Variants in LDLRAD4 observed in about 807,000 individuals in gnomAD.
LDLRAD4 encodes the protein low-density lipoprotein receptor class A domain-containing protein 4.
In LDLRAD4, 5 loss-of-function variants were observed where a neutral mutation model predicts 17.0. The observed-to-expected ratio is 0.29, with a 90% CI of 0.15 to 0.62. LDLRAD4 has a LOEUF of 0.62. LDLRAD4 is among the 20% of genes least tolerant of loss of function. LDLRAD4 has a pLI of 0.84. For synonymous variants in LDLRAD4, 168 were observed against 171.8 expected (o/e 0.98, Z 0.17); for missense variants, 340 against 424.7 (o/e 0.80, Z 1.75).
intron 3 of LDLRAD4, among the ~76,000 whole-genome samples, chr18:13,464,137 A>G (rs2092538075): frequency 6.6e-6 from 1 of 152,252 alleles, no homozygotes; most frequent in Non-Finnish European, 1.5e-5. Flanking sequence ...CCTTTCAAGT[A>G]CAAATGGAGC....
intron 1 of LDLRAD4, among the ~76,000 whole-genome samples, chr18:13,295,336 G>A (rs1210106810): frequency 6.6e-6 from 1 of 152,164 alleles, no homozygotes; most frequent in Non-Finnish European, 1.5e-5. Context: ...TATGTTGTAG[G>A]GTTTCTTCTG....
At chr18:13,330,603 A>G (rs2081802145) in intron 1 of LDLRAD4, among the ~76,000 whole-genome samples, 1 of 152,210 alleles carries the variant, frequency 6.6e-6, no homozygotes, top group Admixed American at 6.5e-5. Flanking sequence ...GCAAATAGCT[A>G]TCTGTGATAT....
chr18:13,412,962 C>T (rs2088518629), intron 2 of LDLRAD4, among the ~76,000 whole-genome samples: 1 of 152,242 alleles, frequency 6.6e-6, no homozygotes, highest in Non-Finnish European at 1.5e-5. Flanking sequence ...CTGCTTCCTT[C>T]TCCTGGTACG....
chr18:13,621,150 T>C lies in LDLRAD4; in HGVS notation c.215T>C (p.Val72Ala), dbSNP rs2148812774. The change falls in exon 4 of 6, where the codon GTC becomes GCC. Residue 72 changes from valine to alanine, a missense_variant. Coordinates refer to ENST00000359446, the Ensembl canonical transcript of LDLRAD4. The surrounding 1 kb of genome is among the most constrained non-coding windows in gnomAD (Gnocchi z 5.5). Reference sequence around the variant, plus strand: ...GAGTTCGCCCAAATCATCATCATCGTCGTGGTGGTCACGGTGATGGTGGTG... The same window carrying C: ...GAGTTCGCCCAAATCATCATCATCGCCGTGGTGGTCACGGTGATGGTGGTG... 1 of 1,614,174 alleles carries C rather than the reference T, an allele frequency of 6.2e-7. No homozygotes were observed. The highest frequency in any genetic ancestry group is 2.2e-5 in the East Asian group (1 of 44,882).
At position 13,397,185 on chromosome 18, in the gene LDLRAD4, C is replaced by T. The variant is rs559756272; in HGVS notation, c.40+9423C>T. On this transcript the variant is annotated intron_variant, in intron 2 of 5. Transcript: ENST00000359446. ...GAGTCTCTCTCTGTCGCTCTGTCGCCCAGGCTGGAGAGCAGTGGTGAGATC... is the reference window on the plus strand; with the variant it reads ...GAGTCTCTCTCTGTCGCTCTGTCGCTCAGGCTGGAGAGCAGTGGTGAGATC... Among the ~76,000 whole-genome samples, 3 of 152,168 alleles carry T rather than the reference C, an allele frequency of 2.0e-5. No homozygotes were observed. In the South Asian group the frequency reaches 6.2e-4, roughly 32 times the overall value.
Position 13,612,692 on chromosome 18 carries a change from A to G in LDLRAD4, c.182-8425A>G, listed in dbSNP as rs541440918. The stretch of plus-strand genomic sequence containing the variant: ...GCGTCACAGTTGGACTCCCACTTGC[A>G]GAGGACCTGATTATGTCCAGTGACC... On this transcript the variant is annotated intron_variant, in intron 3 of 5. Transcript: ENST00000359446. 5 of 1,613,820 alleles carry G rather than the reference A, an allele frequency of 3.1e-6. No homozygotes were observed. In the African/African-American group the frequency reaches 6.7e-5, roughly 22 times the overall value.
intron 3 of LDLRAD4, among the ~76,000 whole-genome samples, chr18:13,533,074 A>G (rs2094152724): frequency 1.3e-5 from 2 of 152,246 alleles, no homozygotes; most frequent in Non-Finnish European, 2.9e-5. Flanking sequence ...TTCATTAACT[A>G]ATACATCAAA....
chr18:13,406,864 A>C (rs536353548), intron 2 of LDLRAD4, among the ~76,000 whole-genome samples: 25 of 152,192 alleles, frequency 1.6e-4, no homozygotes, highest in Admixed American at 2.6e-4. Flanking sequence ...TGCAACTGTC[A>C]GGGTGCTTAG....
At chr18:13,422,840 A>G (rs1318935966) in intron 2 of LDLRAD4, among the ~76,000 whole-genome samples, 2 of 152,190 alleles carry the variant, frequency 1.3e-5, no homozygotes, top group Non-Finnish European at 2.9e-5. Context: ...TCATAGTGCC[A>G]TGTGCTGTGC....
At chr18:13,232,332 C>T (rs951741381) in intron 1 of LDLRAD4, among the ~76,000 whole-genome samples, 9 of 152,212 alleles carry the variant, frequency 5.9e-5, no homozygotes, top group African/African-American at 1.9e-4. Flanking sequence ...ACTCGCCTCC[C>T]GCCTCTGTCT....
intron 1 of LDLRAD4, among the ~76,000 whole-genome samples, chr18:13,259,915 C>T (rs1427589245): frequency 6.6e-6 from 1 of 152,222 alleles, no homozygotes; most frequent in Admixed American, 6.5e-5. Context: ...AGGAGGGGAA[C>T]GTGTGGTTTG....
rs886825781 is a variant in LDLRAD4, at chr18:13,367,674, G to C, written c.-382-19667G>C. On this transcript the variant is annotated intron_variant, in intron 1 of 5. Coordinates refer to ENST00000359446, the Ensembl canonical transcript of LDLRAD4. This position sits in a 1 kb window ranked among gnomAD's most constrained non-coding sequence, Gnocchi z 4.1. ...TCTGCTGTCAAGGAGTGTGCCGAGA[G>C]GGGACAGCCGGGCACGGGGGCACAC... Among the ~76,000 whole-genome samples, 2 of 152,128 alleles carry C rather than the reference G, an allele frequency of 1.3e-5. No individual in the cohort carries two copies. Among genetic ancestry groups the C allele is most frequent in the African/African-American group, 4.8e-5 (2 of 41,422 alleles).
At chr18:13,275,390 T>A (rs1311358671), upstream of LDLRAD4, among the ~76,000 whole-genome samples, 1 of 152,210 alleles carries the variant, frequency 6.6e-6, no homozygotes, top group Non-Finnish European at 1.5e-5. Context: ...GTGTGTTCAT[T>A]CTTTTGGGGT....
At chr18:13,279,730 G>T (rs950013656) in intron 1 of LDLRAD4, 1 of 152,222 alleles carries the variant, frequency 6.6e-6, no homozygotes, top group African/African-American at 2.4e-5. Context: ...TAAATACAGA[G>T]CTACGTTGCT....
At chr18:13,499,139 T>C (rs374183841) in intron 3 of LDLRAD4, among the ~76,000 whole-genome samples, 1 of 142,230 alleles carries the variant, frequency 7.0e-6, no homozygotes, top group East Asian at 2.2e-4. Flanking sequence ...CTCTGGAGAA[T>C]CCTTCTACTC....
intron 1 of LDLRAD4, among the ~76,000 whole-genome samples, chr18:13,252,367 G>T (rs2043266710): frequency 6.6e-6 from 1 of 152,164 alleles, no homozygotes; most frequent in South Asian, 2.1e-4. Flanking sequence ...GAGCTCAGGT[G>T]ATCCACCCAC....
chr18:13,347,584 C>G (rs558181595), intron 1 of LDLRAD4, among the ~76,000 whole-genome samples: 1 of 152,022 alleles, frequency 6.6e-6, no homozygotes, highest in Non-Finnish European at 1.5e-5. Context: ...ATCTTTGTGG[C>G]GTTCTCTGTA....
At chr18:13,439,281 G>A (rs1333506297) in intron 3 of LDLRAD4, among the ~76,000 whole-genome samples, 2 of 152,154 alleles carry the variant, frequency 1.3e-5, no homozygotes, top group East Asian at 3.8e-4. Context: ...GAAAATGGGA[G>A]GGGATTTAAA....
intron 1 of LDLRAD4, among the ~76,000 whole-genome samples, chr18:13,319,138 A>C (rs1243341414): frequency 1.3e-5 from 2 of 152,218 alleles, no homozygotes; most frequent in Non-Finnish European, 2.9e-5. Flanking sequence ...CCTATTAAAT[A>C]CTTCATAGTA....
Sources: gnomAD v4.1 joint callset for allele counts (sites outside exome capture counted in the v4.1 genomes callset) on GRCh38, gnomAD v4.1.1 for gene constraint, Gnocchi (gnomAD v3.1) non-coding constraint, MANE v1.5 for transcripts, NCBI Gene and HGNC (gene_info 2026-07-23, HGNC 2026-07-21) for gene names.